Variants in ACE observed in about 807,000 individuals in gnomAD.
ACE encodes the protein angiotensin-converting enzyme.
Under a neutral mutation model 162.3 loss-of-function variants are expected in ACE, and 122 were observed. The observed-to-expected ratio is 0.75, with a 90% CI of 0.65 to 0.87. The LOEUF (loss-of-function observed/expected upper bound fraction) is 0.87. Among genes scored for constraint, ACE ranks in the 40% least tolerant of loss-of-function variants. ACE has a pLI of 0.00. For synonymous variants in ACE, 796 were observed against 720.6 expected, an observed-to-expected ratio of 1.10 and a Z score of -1.68; for missense variants, 1,799 against 1,735.1, an observed-to-expected ratio of 1.04 and a Z score of -0.65.
chr17:63,491,305 C>T lies in ACE; in HGVS notation c.2836C>T (p.Leu946=). The T allele has an allele frequency of 6.2e-7, 1 of 1,614,176 alleles. No individual in the cohort carries two copies. The highest frequency in any genetic ancestry group is 8.5e-7 in the Non-Finnish European group (1 of 1,180,034). Residue 946 remains leucine, a synonymous_variant, in exon 19 of 25, where the codon CTG becomes TTG. Transcript: ENST00000290866. This position sits in a 1 kb window ranked among gnomAD's most constrained non-coding sequence, Gnocchi z 4.4. ...TCCTGAGTTCTGGAACAAGTCGATG[C>T]TGGAGAAGCCAACCGACGGGCGGGA... is the stretch of plus-strand genomic sequence containing the variant. ...VPPEFWNKSM[L]EKPTDGREVV...
chr17:63,489,090 C>T lies in ACE; in HGVS notation c.2599C>T (p.Gln867Ter), dbSNP rs1413766379. 6.2e-7 allele frequency: 1 copy of T among 1,613,124 alleles called. No individual in the cohort carries two copies. Among genetic ancestry groups the T allele is most frequent in the East Asian group, 2.2e-5 (1 of 44,886 alleles). The change falls in exon 17 of 25, where the codon CAG (glutamine) becomes TAG (stop). Residue 867 changes from glutamine to a stop codon, truncating the protein, a stop_gained. Transcript: ENST00000290866. LOFTEE classifies it high-confidence loss of function. ...RRALHRHYGA[Q>*]HINLEGPIPA... is the part of the protein sequence containing the mutation. Reference sequence around the variant, plus strand: ...GGCCCTGCACCGTCACTACGGGGCCCAGCACATCAACCTGGAGGGGCCCAT... The same window carrying T: ...GGCCCTGCACCGTCACTACGGGGCCTAGCACATCAACCTGGAGGGGCCCAT...
intron 17 of ACE, chr17:63,490,476 T>C (rs1599150881): frequency 4.6e-6 from 1 of 215,478 alleles, no homozygotes; most frequent in East Asian, 1.2e-4. Context: ...TTAGGAGCCG[T>C]GGGCCCCCGG....
intron 17 of ACE, chr17:63,490,526 TA>T: frequency 3.9e-6 from 1 of 255,288 alleles, no homozygotes; most frequent in East Asian, 9.8e-5. Context: ...CTGTTTCCTT[TA>T]CTAGCCAATG....
In ACE at chr17:63,497,481, C is replaced by A; in HGVS notation, c.*115C>A. On this transcript the variant is annotated 3_prime_UTR_variant, in exon 25 of 25. Transcript: ENST00000290866. ...CCCCAGCCCACCCTGCTCCTCCTGCCCTGTCCCTGTCCCCCTCCCCTCCCA... is the reference window on the plus strand; with the variant it reads ...CCCCAGCCCACCCTGCTCCTCCTGCACTGTCCCTGTCCCCCTCCCCTCCCA... The A allele has an allele frequency of 1.1e-6, 1 of 934,804 alleles. No individual in the cohort carries two copies. Among genetic ancestry groups the A allele is most frequent in the Admixed American group, 2.0e-5 (1 of 50,110 alleles). 57.9% of individuals were successfully genotyped at this position (934,804 alleles called of 1,614,324 possible). A position where few individuals can be genotyped will look rare whatever the true frequency, so the allele number is the denominator to read the frequency against.
chr17:63,496,749 G>A (rs1427116298), intron 23 of ACE, 49 bp from the exon 24 acceptor site: 7 of 1,606,536 alleles, frequency 4.4e-6, no homozygotes, highest in Non-Finnish European at 5.9e-6. Flanking sequence ...GTGGGGGCAA[G>A]AGGGGCCATG....
Position 63,483,296 on chromosome 17 carries a change from C to G in ACE, c.1487+123C>G. 2.6e-6 allele frequency: 4 copies of G among 1,546,792 alleles called. No homozygotes were observed. In the Admixed American group the frequency reaches 5.1e-5, roughly 20 times the overall value. ...CTCTAATGATGTCCCCCGCTGTGAC[C>G]CACCGCCTTCTCCTTTCCTGCCTGA... is the stretch of plus-strand genomic sequence containing the variant. On this transcript the variant is annotated intron_variant, in intron 9 of 24. Coordinates refer to ENST00000290866, the MANE Select transcript of ACE (RefSeq NM_000789.4).
chr17:63,493,357 C>T (rs2030505389), intron 19 of ACE, 79 bp from the exon 20 acceptor site: 3 of 1,385,904 alleles, frequency 2.2e-6, no homozygotes, highest in Admixed American at 3.4e-5. Flanking sequence ...CTGGGTATAG[C>T]AAGGCCCACT....
In ACE at chr17:63,485,245, C is replaced by G. The variant is rs752660066; in HGVS notation, c.1931C>G (p.Thr644Ser). The change falls in exon 13 of 25, where the codon ACT becomes AGT. Residue 644 changes from threonine (T) to serine (S), a missense_variant. Thr to Ser is a moderately conservative substitution (Grantham distance 58, BLOSUM62 1). Transcript: ENST00000290866. ...GCACTCTGTCCCACAGACCTGGTGACTGATGAGGCTGAGGCCAGCAAGTTT... is the reference window on the plus strand; with the variant it reads ...GCACTCTGTCCCACAGACCTGGTGAGTGATGAGGCTGAGGCCAGCAAGTTT... ...DNYPEGIDLV[T>S]DEAEASKFVE... 3.7e-6 allele frequency: 6 copies of G among 1,614,016 alleles called. No homozygotes were observed. The East Asian group carries it at 1.3e-4, about 36-fold the overall frequency.
chr17:63,481,514 C>T (rs891909965), intron 6 of ACE, 52 bp from the exon 7 acceptor site: 8 of 1,604,956 alleles, frequency 5.0e-6, no homozygotes, highest in South Asian at 1.1e-5. Context: ...GCCCTGTCCC[C>T]AGGCCAGCCA....
At chr17:63,485,157 G>A in intron 12 of ACE, 79 bp from the exon 13 acceptor site, 3 of 1,605,348 alleles carry the variant, frequency 1.9e-6, no homozygotes, top group Non-Finnish European at 2.6e-6. Context: ...GTGCGAGAGG[G>A]ATAATGGCTT....
At position 63,481,235 on chromosome 17, in the gene ACE, C is replaced by T. The variant is rs775452106; in HGVS notation, c.945+47C>T. 16 of 1,514,702 alleles carry T rather than the reference C, an allele frequency of 1.1e-5. No homozygotes were observed. The East Asian group carries it at 1.4e-4, about 13-fold the overall frequency. The allele number at this position is 1,514,702 out of a possible 1,614,324, so 93.8% of individuals were successfully genotyped here. A position where few individuals can be genotyped will look rare whatever the true frequency, so the allele number is the denominator to read the frequency against. ...GGGGTGGTGGGGGTCGGGGGTGGGG[C>T]GCAAAAAAAGGGAGTCACAGATGGG... On this transcript the variant is annotated intron_variant, in intron 6 of 24. Coordinates refer to ENST00000290866, the MANE Select transcript of ACE (RefSeq NM_000789.4).
In ACE at chr17:63,484,341, A is replaced by T. The variant is rs2029862431; in HGVS notation, c.1721A>T (p.Gln574Leu). ...ACTCTGCCCACCAGGAAGGTGCTGCAGGCTGGCTCCTCCAGGCCCTGGCAG... is the reference window on the plus strand; with the variant it reads ...ACTCTGCCCACCAGGAAGGTGCTGCTGGCTGGCTCCTCCAGGCCCTGGCAG... ...KAGAKLRKVLQAGSSRPWQEV... is the reference protein window; with the variant it reads ...KAGAKLRKVLLAGSSRPWQEV... The change falls in exon 12 of 25, where the codon CAG (glutamine) becomes CTG (leucine). Residue 574 changes from glutamine (Q) to leucine (L), a missense_variant. Transcript: ENST00000290866. The surrounding 1 kb of genome is among the most constrained non-coding windows in gnomAD (Gnocchi z 4.0). The T allele has an allele frequency of 6.2e-7, 1 of 1,610,650 alleles. No homozygotes were observed. Among genetic ancestry groups the T allele is most frequent in the Admixed American group, 1.7e-5 (1 of 59,912 alleles).
chr17:63,487,045 G>A lies in ACE; in HGVS notation c.2277G>A (p.Pro759=), dbSNP rs199715246. 2.5e-6 allele frequency: 4 copies of A among 1,613,484 alleles called. No individual in the cohort carries two copies. Among genetic ancestry groups the A allele is most frequent in the African/African-American group, 1.3e-5 (1 of 74,900 alleles). Residue 759 remains proline (P), a synonymous_variant, in exon 15 of 25, where the codon CCG becomes CCA. Transcript: ENST00000290866. ...TTYSVATVCH[P]NGSCLQLEPD... is the part of the protein sequence containing the mutation. ...ACAGCGTGGCCACTGTGTGCCACCC[G>A]AATGGCAGCTGCCTGCAGCTCGAGC... is the stretch of plus-strand genomic sequence containing the variant.
Position 63,484,920 on chromosome 17 carries a change from T to C in ACE, c.1922-316T>C, listed in dbSNP as rs766732535. On this transcript the variant is annotated intron_variant, in intron 12 of 24. Transcript: ENST00000290866. This position sits in a 1 kb window ranked among gnomAD's most constrained non-coding sequence, Gnocchi z 4.0. ...CTTCCCAGCCTCCTCTTCCTGCTGC[T>C]CTGCTACGGGCACCCTCTGCTGGTC... The C allele has an allele frequency of 1.3e-6, 2 of 1,595,744 alleles. No homozygotes were observed. The highest frequency in any genetic ancestry group is 1.7e-6 in the Non-Finnish European group (2 of 1,171,156).
chr17:63,483,354 C>G (rs1237874038), intron 9 of ACE, 106 bp from the exon 10 acceptor site: 1 of 1,464,088 alleles, frequency 6.8e-7, no homozygotes, highest in African/African-American at 1.4e-5. Flanking sequence ...TCCCCAGTTC[C>G]TCAGGATGGG....
At chr17:63,477,519 C>T in intron 1 of ACE, 176 bp downstream of exon 1, 2 of 343,914 alleles carry the variant, frequency 5.8e-6, no homozygotes, top group South Asian at 1.1e-4. Flanking sequence ...GCACGGCCTG[C>T]GCTCCCAGCA....
At chr17:63,483,679 G>T in intron 10 of ACE, 121 bp downstream of exon 10, 2 of 1,399,968 alleles carry the variant, frequency 1.4e-6, no homozygotes, top group East Asian at 4.6e-5. Context: ...GACCTCAAAG[G>T]CCTGGAGTTA....
At chr17:63,493,729 A>G in intron 20 of ACE, 70 bp downstream of exon 20, 1 of 1,565,668 alleles carries the variant, frequency 6.4e-7, no homozygotes, top group Non-Finnish European at 8.7e-7. Flanking sequence ...GAGGTGGGAA[A>G]GGGGCACTTA....
In ACE at chr17:63,488,683, G is replaced by A; in HGVS notation, c.2341G>A (p.Glu781Lys). ...TNVMATSRKY[E>K]DLLWAWEGWR... ...TGTGATGGCCACGTCCCGGAAATAT[G>A]AAGACCTGTTATGGGCATGGGAGGG... Residue 781 changes from glutamate to lysine, a missense_variant, in exon 16 of 25, where the codon GAA (glutamate) becomes AAA (lysine). Transcript: ENST00000290866. 2 of 1,613,534 alleles carry A rather than the reference G, an allele frequency of 1.2e-6. No individual in the cohort carries two copies. The highest frequency in any genetic ancestry group is 8.5e-7 in the Non-Finnish European group (1 of 1,179,916).
Sources: allele counts gnomAD v4.1 joint callset, GRCh38; gene constraint gnomAD v4.1.1; non-coding constraint Gnocchi (gnomAD v3.1); transcripts MANE v1.5; gene names NCBI Gene and HGNC (gene_info 2026-07-23, HGNC 2026-07-21).